KLF8: variants seen among roughly 807,000 people sequenced by gnomAD.
KLF8 encodes KLF transcription factor 8.
KLF8 carries 10 observed loss-of-function variants against 18.2 expected under a neutral mutation model. That is an observed-to-expected ratio of 0.55 (90% CI 0.34 to 0.93). KLF8 has a LOEUF of 0.93. KLF8 is among the 40% of genes least tolerant of loss of function. The pLI, the probability that KLF8 is intolerant of heterozygous loss-of-function variation, is 0.02. For missense variants in KLF8, 264 were observed against 277.9 expected, an observed-to-expected ratio of 0.95 and a Z score of 0.36; for synonymous variants, 109 against 97.3, an observed-to-expected ratio of 1.12 and a Z score of -0.71.
the KLF8 span, among the ~76,000 whole-genome samples, chrX:56,144,845 T>C: frequency 1.9e-5 from 2 of 106,750 alleles, no homozygotes; most frequent in South Asian, 8.6e-4. Flanking sequence ...CAGGCTGGAG[T>C]GTGGTGGCAC....
At chrX:56,241,813 A>C (rs2066548346) in intron 1 of KLF8, among the ~76,000 whole-genome samples, 1 of 112,151 alleles carries the variant, frequency 8.9e-6, no homozygotes, top group Non-Finnish European at 1.9e-5. Context: ...TGCATATAAG[A>C]TTAATTATTG....
chrX:56,145,295 G>A, the KLF8 span, among the ~76,000 whole-genome samples: 1 of 111,780 alleles, frequency 8.9e-6, no homozygotes, highest in Middle Eastern at 4.6e-3. Flanking sequence ...AACTAGATTG[G>A]AAAATAACAA....
the KLF8 span, among the ~76,000 whole-genome samples, chrX:56,050,514 T>G: frequency 8.9e-6 from 1 of 112,353 alleles, no homozygotes; most frequent in East Asian, 2.8e-4. Context: ...TCTGCCTTCA[T>G]TTTGTTATGT....
the KLF8 span, among the ~76,000 whole-genome samples, chrX:56,161,571 G>C: frequency 1.0e-3 from 115 of 112,055 alleles, 1 homozygote; most frequent in Non-Finnish European, 1.9e-3. Flanking sequence ...GGCTACTGAT[G>C]CTTGTGCATT....
chrX:55,980,405 G>A, the KLF8 span, among the ~76,000 whole-genome samples: 1 of 111,398 alleles, frequency 9.0e-6, no homozygotes, highest in African/African-American at 3.3e-5. Flanking sequence ...ATAGAGGAGG[G>A]TAAGGTTTGG....
At chrX:56,172,924 A>G in the KLF8 span, among the ~76,000 whole-genome samples, 11 of 111,921 alleles carry the variant, frequency 9.8e-5, no homozygotes, top group East Asian at 5.6e-4. Context: ...GTGTCTGTCC[A>G]TGTCCTTTGC....
intron 5 of KLF8, among the ~76,000 whole-genome samples, chrX:56,278,475 C>A (rs2067152025): frequency 9.0e-6 from 1 of 111,139 alleles, no homozygotes; most frequent in East Asian, 2.8e-4. Flanking sequence ...AAAGAAGCCT[C>A]ACGACTCTGA....
chrX:55,971,490 A>G, the KLF8 span, among the ~76,000 whole-genome samples: 1 of 111,344 alleles, frequency 9.0e-6, no homozygotes, highest in African/African-American at 3.3e-5. Flanking sequence ...ACTCCCCAGA[A>G]CATTAGAGTG....
the KLF8 span, among the ~76,000 whole-genome samples, chrX:55,943,156 T>C: frequency 3.6e-5 from 4 of 111,114 alleles, no homozygotes; most frequent in Non-Finnish European, 3.8e-5. Context: ...TTGGTGGTGC[T>C]ATTTACTGAG....
At chrX:56,131,709 C>G in the KLF8 span, among the ~76,000 whole-genome samples, 6 of 111,727 alleles carry the variant, frequency 5.4e-5, no homozygotes, top group Non-Finnish European at 9.4e-5. Context: ...GATAAGAATT[C>G]AACAACCAAG....
At chrX:55,950,279 G>T in the KLF8 span, among the ~76,000 whole-genome samples, 1 of 110,863 alleles carries the variant, frequency 9.0e-6, no homozygotes, top group Non-Finnish European at 1.9e-5. Flanking sequence ...AGAGCTGGTT[G>T]TCATGAGTTA....
the KLF8 span, among the ~76,000 whole-genome samples, chrX:56,028,669 C>T: frequency 5.4e-5 from 6 of 111,359 alleles, no homozygotes; most frequent in East Asian, 5.7e-4. Context: ...GAAGATGATG[C>T]GGGAATTTTT....
the KLF8 span, among the ~76,000 whole-genome samples, chrX:56,091,565 C>T: frequency 7.3e-5 from 8 of 110,273 alleles, no homozygotes; most frequent in South Asian, 7.9e-4. Flanking sequence ...GGTGTGATCT[C>T]GGCTCACTGC....
chrX:56,084,919 G>A, the KLF8 span, among the ~76,000 whole-genome samples: 2 of 112,019 alleles, frequency 1.8e-5, no homozygotes, highest in Non-Finnish European at 3.8e-5. Flanking sequence ...CATATGATTG[G>A]CCAATGGCCA....
the KLF8 span, among the ~76,000 whole-genome samples, chrX:56,199,774 A>G: frequency 2.7e-5 from 3 of 111,773 alleles, no homozygotes; most frequent in Non-Finnish European, 5.6e-5. Flanking sequence ...ATAAAGACAC[A>G]TGCACACGTA....
the KLF8 span, among the ~76,000 whole-genome samples, chrX:55,992,098 TTTAA>T: frequency 8.9e-6 from 1 of 112,664 alleles, no homozygotes; most frequent in Non-Finnish European, 1.9e-5. Context: ...GCAGAAGATG[TTTAA>T]TTAATTAGGT....
At chrX:56,107,304 C>T in the KLF8 span, among the ~76,000 whole-genome samples, 2 of 112,218 alleles carry the variant, frequency 1.8e-5, no homozygotes, top group Non-Finnish European at 3.8e-5. Flanking sequence ...GCCTGTTGTT[C>T]AGCTATGCCC....
chrX:56,149,547 A>G, the KLF8 span, among the ~76,000 whole-genome samples: 1 of 111,075 alleles, frequency 9.0e-6, no homozygotes, highest in Non-Finnish European at 1.9e-5. Context: ...AATACACCCA[A>G]CCAACAAACC....
At chrX:56,148,225 T>A in the KLF8 span, among the ~76,000 whole-genome samples, 1 of 111,489 alleles carries the variant, frequency 9.0e-6, no homozygotes, top group Non-Finnish European at 1.9e-5. Flanking sequence ...AAAAGATAAT[T>A]TAAAACCCTA....
Sources: gnomAD v4.1 joint callset for allele counts (sites outside exome capture counted in the v4.1 genomes callset) on GRCh38, gnomAD v4.1.1 for gene constraint, MANE v1.5 for transcripts, NCBI Gene and HGNC (gene_info 2026-07-23, HGNC 2026-07-21) for gene names.